DNAJC1: variants seen among roughly 807,000 people sequenced by gnomAD.
DNAJC1 encodes dnaJ homolog subfamily C member 1.
In DNAJC1, 58 loss-of-function variants were observed where a neutral mutation model predicts 76.6. That is an observed-to-expected ratio of 0.76 (90% confidence interval 0.61 to 0.94). The LOEUF (loss-of-function observed/expected upper bound fraction) is 0.94, where lower values mean the gene tolerates loss of function less well. Among genes scored for constraint, DNAJC1 ranks in the 40% least tolerant of loss-of-function variants. DNAJC1 has a pLI of 0.00. For synonymous variants in DNAJC1, 258 were observed against 267.9 expected, an observed-to-expected ratio of 0.96 and a Z score of 0.36; for missense variants, 689 against 677.3, an observed-to-expected ratio of 1.02 and a Z score of -0.19.
chr10:21,832,346 G>A (rs1326250089), intron 8 of DNAJC1, among the ~76,000 whole-genome samples: 2 of 152,062 alleles, frequency 1.3e-5, no homozygotes, highest in African/African-American at 4.8e-5. Context: ...TCAAATGTAT[G>A]TCAAGGTCCC....
chr10:21,788,827 C>G (rs1312935726), intron 9 of DNAJC1, among the ~76,000 whole-genome samples: 2 of 152,140 alleles, frequency 1.3e-5, no homozygotes, highest in African/African-American at 4.8e-5. Flanking sequence ...TGGAGTCAGG[C>G]CAGAGCTGTG....
intron 1 of DNAJC1, among the ~76,000 whole-genome samples, chr10:22,000,163 A>G (rs1344302421): frequency 2.0e-5 from 3 of 152,194 alleles, no homozygotes; most frequent in African/African-American, 7.2e-5. Flanking sequence ...GCCATCAGTA[A>G]AATTCTGTTT....
At chr10:21,847,285 A>T (rs568764852) in intron 8 of DNAJC1, among the ~76,000 whole-genome samples, 2 of 152,252 alleles carry the variant, frequency 1.3e-5, no homozygotes, top group Admixed American at 6.5e-5. Context: ...CCAAAATATC[A>T]TTTACTTTCT....
chr10:21,826,891 T>C (rs1160817570), intron 8 of DNAJC1, among the ~76,000 whole-genome samples: 1 of 152,182 alleles, frequency 6.6e-6, no homozygotes. Context: ...CCACACCATT[T>C]TGAGTATTGT....
chr10:21,983,574 G>T (rs1033969231), intron 1 of DNAJC1, among the ~76,000 whole-genome samples: 2 of 152,084 alleles, frequency 1.3e-5, no homozygotes, highest in African/African-American at 4.8e-5. Context: ...ACAAAAATTA[G>T]CCGGGTGTGG....
At chr10:21,942,394 C>T (rs1303245183) in intron 1 of DNAJC1, among the ~76,000 whole-genome samples, 1 of 152,022 alleles carries the variant, frequency 6.6e-6, no homozygotes, top group Non-Finnish European at 1.5e-5. Flanking sequence ...CTTTAATATA[C>T]CTTTACCAGA....
At chr10:21,784,644 C>T (rs1201494422) in intron 9 of DNAJC1, among the ~76,000 whole-genome samples, 2 of 152,178 alleles carry the variant, frequency 1.3e-5, no homozygotes, top group African/African-American at 2.4e-5. Flanking sequence ...AGACTTGAAA[C>T]CAACCCAAAT....
intron 9 of DNAJC1, among the ~76,000 whole-genome samples, chr10:21,787,180 T>C (rs1834622817): frequency 1.3e-5 from 2 of 151,980 alleles, no homozygotes; most frequent in Admixed American, 1.3e-4. Context: ...GTACAAAAAT[T>C]AGCCGGGCAT....
chr10:21,789,991 C>A (rs928166818), intron 9 of DNAJC1, among the ~76,000 whole-genome samples: 2 of 103,154 alleles, frequency 1.9e-5, no homozygotes, highest in East Asian at 6.5e-4. Flanking sequence ...GCCTGGGCAA[C>A]ACAGCAAGGC....
intron 6 of DNAJC1, among the ~76,000 whole-genome samples, chr10:21,910,116 T>C (rs1289391239): frequency 1.7e-5 from 2 of 121,018 alleles, no homozygotes; most frequent in Non-Finnish European, 3.2e-5. Flanking sequence ...ACATTAAACC[T>C]TTTTTTTTTT....
intron 9 of DNAJC1, among the ~76,000 whole-genome samples, chr10:21,783,500 C>T (rs1307329982): frequency 6.6e-6 from 1 of 152,088 alleles, no homozygotes. Flanking sequence ...AGATTCAATG[C>T]CATCCCCATC....
intron 9 of DNAJC1, among the ~76,000 whole-genome samples, chr10:21,793,008 T>C (rs1489736943): frequency 6.6e-6 from 1 of 152,040 alleles, no homozygotes; most frequent in Non-Finnish European, 1.5e-5. Context: ...GTTCCTTAGA[T>C]AAAAAGCTTC....
At chr10:21,897,603 T>G (rs1167540342) in intron 7 of DNAJC1, among the ~76,000 whole-genome samples, 1 of 152,174 alleles carries the variant, frequency 6.6e-6, no homozygotes, top group Non-Finnish European at 1.5e-5. Context: ...AGGATCTAAG[T>G]TGCACAATCT....
At chr10:21,911,097 C>T (rs1357095643) in intron 6 of DNAJC1, among the ~76,000 whole-genome samples, 1 of 140,904 alleles carries the variant, frequency 7.1e-6, no homozygotes, top group African/African-American at 2.8e-5. Context: ...GGCGGGAAGG[C>T]GGGAAGGCGG....
At chr10:21,966,464 C>A (rs567352747) in intron 1 of DNAJC1, among the ~76,000 whole-genome samples, 27 of 150,468 alleles carry the variant, frequency 1.8e-4, no homozygotes, top group African/African-American at 6.1e-4. Context: ...CAGTCTTAAC[C>A]TTTGTTAACT....
At chr10:21,975,315 CAATAAATAAATA>C (rs944741041) in intron 1 of DNAJC1, among the ~76,000 whole-genome samples, 1 of 151,210 alleles carries the variant, frequency 6.6e-6, no homozygotes, top group African/African-American at 2.4e-5. Flanking sequence ...AAATAAGCTG[CAATAAATAAATA>C]AATAAATAAA....
intron 8 of DNAJC1, among the ~76,000 whole-genome samples, chr10:21,829,883 C>T (rs1392121309): frequency 2.0e-5 from 3 of 152,132 alleles, no homozygotes; most frequent in Non-Finnish European, 4.4e-5. Flanking sequence ...TTCTTTCAGA[C>T]TGGTAAAGTT....
intron 6 of DNAJC1, among the ~76,000 whole-genome samples, chr10:21,914,861 T>A (rs1836925431): frequency 6.6e-6 from 1 of 152,228 alleles, no homozygotes; most frequent in African/African-American, 2.4e-5. Context: ...AAGTGTTTAC[T>A]CTTTTTAGTT....
At chr10:21,992,819 T>A (rs1032087622) in intron 1 of DNAJC1, among the ~76,000 whole-genome samples, 3 of 152,224 alleles carry the variant, frequency 2.0e-5, no homozygotes, top group Non-Finnish European at 4.4e-5. Context: ...TTCAAAGTCA[T>A]CTGTATCCTC....
Sources: allele counts gnomAD v4.1 joint callset (sites outside exome capture counted in the v4.1 genomes callset), GRCh38; gene constraint gnomAD v4.1.1; transcripts MANE v1.5; gene names NCBI Gene and HGNC (gene_info 2026-07-23, HGNC 2026-07-21).